The following E2F2 variants were observed in gnomAD, a reference collection of about 807,000 sequenced individuals.
The protein encoded by E2F2 is transcription factor E2F2.
Under a neutral mutation model 42.2 loss-of-function variants are expected in E2F2, and 22 were observed. The ratio of observed to expected loss-of-function variants is 0.52; its 90% CI spans 0.37 to 0.74. E2F2 has a LOEUF of 0.74. E2F2 is among the 30% of genes least tolerant of loss of function. E2F2 has a pLI of 0.00. For missense variants in E2F2, 481 were observed against 557.8 expected (o/e 0.86, Z 1.39); for synonymous variants, 248 against 251.6 (o/e 0.99, Z 0.13).
chr1:23,517,697 C>T (rs1643051658), intron 5 of E2F2, among the ~76,000 whole-genome samples: 2 of 152,192 alleles, frequency 1.3e-5, no homozygotes, highest in African/African-American at 2.4e-5. Context: ...CCAAATATAC[C>T]TCAGCAAATG....
chr1:23,528,505 G>A (rs1643285742), intron 1 of E2F2, among the ~76,000 whole-genome samples: 1 of 152,192 alleles, frequency 6.6e-6, no homozygotes, highest in Non-Finnish European at 1.5e-5. Flanking sequence ...CTTTAGGGTG[G>A]TCTGCTGCAA....
intron 4 of E2F2, 98 bp from the exon 5 acceptor site, chr1:23,519,228 C>T (rs1643089311): frequency 1.4e-6 from 1 of 724,924 alleles, no homozygotes; most frequent in Non-Finnish European, 2.4e-6. Context: ...AGCCTCTGAA[C>T]ATTACTTTCT....
At chr1:23,524,931 C>A (rs1447713481) in intron 1 of E2F2, among the ~76,000 whole-genome samples, 1 of 152,206 alleles carries the variant, frequency 6.6e-6, no homozygotes, top group Admixed American at 6.5e-5. Context: ...AGACTGAGTG[C>A]CCATCACAGT....
chr1:23,518,817 C>A (rs879914626), intron 5 of E2F2, among the ~76,000 whole-genome samples, 199 bp downstream of exon 5: 1 of 152,154 alleles, frequency 6.6e-6, no homozygotes, highest in African/African-American at 2.4e-5. Flanking sequence ...TTTCTCAGGC[C>A]ACTACTCAGT....
intron 6 of E2F2, among the ~76,000 whole-genome samples, chr1:23,512,722 T>C (rs1642934186): frequency 6.6e-6 from 1 of 152,174 alleles, no homozygotes; most frequent in Admixed American, 6.6e-5. Context: ...CCTTTTGTAA[T>C]ATGTGTCTCT....
rs141044454 is a variant in E2F2, at chr1:23,524,130, G to A, written c.358+253C>T. Among the ~76,000 whole-genome samples the A allele has an allele frequency of 8.3e-4, 123 of 148,564 alleles. 1 individual carries two copies. Among genetic ancestry groups the A allele is most frequent in the African/African-American group, 3.0e-3 (120 of 40,596 alleles). On this transcript the variant is annotated intron_variant, in intron 2 of 6. Coordinates refer to ENST00000361729, the MANE Select transcript of E2F2 (RefSeq NM_004091.4). ...AAAAAAAAACACAGAAGTAATGCAA[G>A]ATTTACATGTCCAGGCTCTAGTCCT...
intron 1 of E2F2, among the ~76,000 whole-genome samples, chr1:23,529,092 G>A (rs1350635903): frequency 1.3e-5 from 2 of 152,082 alleles, no homozygotes; most frequent in Admixed American, 1.3e-4. Flanking sequence ...ACTGCCTTGT[G>A]AGTCCCATCA....
chr1:23,516,827 A>G (rs1028193579), intron 5 of E2F2, among the ~76,000 whole-genome samples: 20 of 145,124 alleles, frequency 1.4e-4, no homozygotes, highest in East Asian at 5.9e-4. Context: ...CCCTTCCCCA[A>G]TGCCAGTGGG....
Position 23,522,076 on chromosome 1 carries a change from A to C in E2F2, c.359-20T>G. On this transcript the variant is annotated intron_variant, in intron 2 of 6. Coordinates refer to ENST00000361729, the MANE Select transcript of E2F2 (RefSeq NM_004091.4). ...TGGGGGCTGAAGAAGAAAGGGACCCAGTCACAGCTCAGGGAGGGGAGGGCC... is the reference window on the plus strand; with the variant it reads ...TGGGGGCTGAAGAAGAAAGGGACCCCGTCACAGCTCAGGGAGGGGAGGGCC... 6.2e-7 allele frequency: 1 copy of C among 1,612,146 alleles called. No individual in the cohort carries two copies. Among genetic ancestry groups the C allele is most frequent in the Non-Finnish European group, 8.5e-7 (1 of 1,179,070 alleles).
intron 5 of E2F2, among the ~76,000 whole-genome samples, chr1:23,518,657 G>A (rs1436502167): frequency 6.6e-6 from 1 of 152,082 alleles, no homozygotes; most frequent in Admixed American, 6.6e-5. Flanking sequence ...CTCATAGGGA[G>A]TGTCAGGAAT....
chr1:23,523,143 G>T (rs1643183237), intron 2 of E2F2, among the ~76,000 whole-genome samples: 1 of 147,136 alleles, frequency 6.8e-6, no homozygotes, highest in Admixed American at 6.9e-5. Flanking sequence ...TTTAACTCCT[G>T]CTCTAACCAG....
chr1:23,523,377 G>A (rs1643189826), intron 2 of E2F2, among the ~76,000 whole-genome samples: 1 of 152,110 alleles, frequency 6.6e-6, no homozygotes, highest in Non-Finnish European at 1.5e-5. Flanking sequence ...GGCTGGTCTG[G>A]AACTCCTGAC....
intron 1 of E2F2, among the ~76,000 whole-genome samples, chr1:23,525,276 C>G (rs1307504796): frequency 1.3e-5 from 2 of 152,246 alleles, no homozygotes; most frequent in East Asian, 1.9e-4. Context: ...ATCTGCTCCT[C>G]TCCACCCTGT....
chr1:23,529,703 ACAG>A (rs2124275086), intron 1 of E2F2, among the ~76,000 whole-genome samples: 1 of 152,312 alleles, frequency 6.6e-6, no homozygotes, highest in South Asian at 2.1e-4. Context: ...CCAAGGACAC[ACAG>A]AGAATTAGTG....
intron 6 of E2F2, among the ~76,000 whole-genome samples, chr1:23,513,562 ATGTGTGTGTGTGTGTGTGTGTGTGTG>A (rs71023281): frequency 1.5e-5 from 2 of 135,186 alleles, no homozygotes; most frequent in African/African-American, 2.8e-5. Context: ...AGCACGGAAC[ATGTGTGTGTGTGTGTGTGTGTGTGTG>A]TGTGTGTGTG....
intron 6 of E2F2, among the ~76,000 whole-genome samples, chr1:23,511,692 C>T (rs1558235621): frequency 6.6e-6 from 1 of 152,224 alleles, no homozygotes; most frequent in Non-Finnish European, 1.5e-5. Flanking sequence ...GAAGATACAA[C>T]TGCGCTGGGA....
rs571638653 is a variant in E2F2 at position 23,508,749 on chromosome 1, G to T, written c.*1131C>A. 1 of 152,334 alleles carries T rather than the reference G, an allele frequency of 6.6e-6. No individual in the cohort carries two copies. Among genetic ancestry groups the T allele is most frequent in the East Asian group, 1.9e-4 (1 of 5,180 alleles). The allele number at this position is 152,334 out of a possible 1,614,324, so 9.4% of individuals were successfully genotyped here. A position where few individuals can be genotyped will look rare whatever the true frequency, so the allele number is the denominator to read the frequency against. On this transcript the variant is annotated 3_prime_UTR_variant, in exon 7 of 7. Coordinates refer to ENST00000361729, the MANE Select transcript of E2F2 (RefSeq NM_004091.4). ...TCCTTGGGGTCTGAGTGAGCTCTGA[G>T]GGGTGGAGTCCTTAATGAACCATCC...
At position 23,509,665 on chromosome 1, in the gene E2F2, A is replaced by G; in HGVS notation, c.*215T>C. 1 of 894,520 alleles carries G rather than the reference A, an allele frequency of 1.1e-6. No homozygotes were observed. Among genetic ancestry groups the G allele is most frequent in the African/African-American group, 1.7e-5 (1 of 58,208 alleles). 55.4% of individuals were successfully genotyped at this position (894,520 alleles called of 1,614,324 possible). ...ATGGGCCTCCCTAGGCCCAGCTTCC[A>G]TTAGGAAGGTGAGGACCACCCCTTA... On this transcript the variant is annotated 3_prime_UTR_variant, in exon 7 of 7. Transcript: ENST00000361729.
chr1:23,511,859 C>T (rs1642915809), intron 6 of E2F2, among the ~76,000 whole-genome samples: 1 of 152,164 alleles, frequency 6.6e-6, no homozygotes, highest in Admixed American at 6.5e-5. Context: ...ATAGCACTAC[C>T]TACCTCAAAG....
Sources: allele counts gnomAD v4.1 joint callset (sites outside exome capture counted in the v4.1 genomes callset), GRCh38; gene constraint gnomAD v4.1.1; transcripts MANE v1.5; gene names NCBI Gene and HGNC (gene_info 2026-07-23, HGNC 2026-07-21).